The following TMEM123 variants were observed in gnomAD, a reference collection of about 807,000 sequenced individuals.
TMEM123 encodes the protein porimin.
TMEM123 carries 16 observed loss-of-function variants against 19.7 expected under a neutral mutation model. The observed-to-expected ratio is 0.81, with a 90% CI of 0.55 to 1.23. TMEM123 has a LOEUF of 1.23. TMEM123 is among the 50% of genes most tolerant of loss of function. TMEM123 has a pLI of 0.00. For synonymous variants in TMEM123, 118 were observed against 99.4 expected, an observed-to-expected ratio of 1.19 and a Z score of -1.12; for missense variants, 313 against 257.8, an observed-to-expected ratio of 1.21 and a Z score of -1.47.
In TMEM123 at chr11:102,436,514, C is replaced by T. The variant is rs530842414; in HGVS notation, c.157+12298G>A. ...TAATTCAAAGCCAAGAAGACTGGTG[C>T]ATGAATTACTTCACTAATAAGATTG... On this transcript the variant is annotated intron_variant, in intron 2 of 4. Coordinates refer to ENST00000398136, the MANE Select transcript of TMEM123 (RefSeq NM_052932.3). 6.1e-4 allele frequency among the ~76,000 whole-genome samples: 92 copies of T among 152,020 alleles called. 1 individual carries two copies. The highest frequency in any genetic ancestry group is 1.2e-3 in the Non-Finnish European group (79 of 67,892).
At chr11:102,424,714 G>A (rs560203985) in intron 2 of TMEM123, among the ~76,000 whole-genome samples, 1 of 152,106 alleles carries the variant, frequency 6.6e-6, no homozygotes, top group African/African-American at 2.4e-5. Flanking sequence ...CTCAGTAAGC[G>A]AGGGGAGTCA....
chr11:102,440,755 T>C (rs893059898), intron 2 of TMEM123, among the ~76,000 whole-genome samples: 13 of 152,102 alleles, frequency 8.5e-5, no homozygotes, highest in East Asian at 3.9e-4. Context: ...GACTGGCAAA[T>C]TGGATAAAGA....
intron 2 of TMEM123, among the ~76,000 whole-genome samples, chr11:102,442,077 A>G (rs1037989233): frequency 6.6e-6 from 1 of 152,244 alleles, no homozygotes; most frequent in South Asian, 2.1e-4. Context: ...CCAACCAAAA[A>G]AAGTCCAGGA....
intron 2 of TMEM123, among the ~76,000 whole-genome samples, chr11:102,418,759 C>G (rs1198165244): frequency 6.6e-6 from 1 of 152,132 alleles, no homozygotes; most frequent in African/African-American, 2.4e-5. Flanking sequence ...AACCTAGATA[C>G]CCAACAGTGG....
intron 2 of TMEM123, among the ~76,000 whole-genome samples, chr11:102,442,099 C>G (rs1354929131): frequency 6.6e-6 from 1 of 152,172 alleles, no homozygotes; most frequent in Non-Finnish European, 1.5e-5. Flanking sequence ...TAGACGGATT[C>G]ATAGCCGAAT....
chr11:102,408,861 C>T (rs1006346852), intron 2 of TMEM123, among the ~76,000 whole-genome samples: 6 of 152,118 alleles, frequency 3.9e-5, no homozygotes, highest in African/African-American at 1.4e-4. Context: ...CTGTTAATAC[C>T]AGACAGCCAC....
intron 2 of TMEM123, among the ~76,000 whole-genome samples, chr11:102,444,123 G>T (rs1032190671): frequency 1.3e-5 from 2 of 152,228 alleles, no homozygotes; most frequent in Non-Finnish European, 2.9e-5. Context: ...TTCAACCATT[G>T]TGGAAGACAG....
chr11:102,429,974 G>C (rs1333152094), intron 2 of TMEM123, among the ~76,000 whole-genome samples: 1 of 152,220 alleles, frequency 6.6e-6, no homozygotes, highest in Non-Finnish European at 1.5e-5. Context: ...AGGAAGACTG[G>C]TGGCAAGCAT....
At chr11:102,431,479 A>G (rs1352189919) in intron 2 of TMEM123, among the ~76,000 whole-genome samples, 1 of 152,242 alleles carries the variant, frequency 6.6e-6, no homozygotes, top group Non-Finnish European at 1.5e-5. Flanking sequence ...GTGCAATAGA[A>G]CTAGAAAAAA....
At chr11:102,428,447 G>A (rs1952147611) in intron 2 of TMEM123, among the ~76,000 whole-genome samples, 1 of 150,592 alleles carries the variant, frequency 6.6e-6, no homozygotes, top group African/African-American at 2.4e-5. Flanking sequence ...GATTACAGGT[G>A]CCTGCCACCA....
In TMEM123 at chr11:102,444,329, C is replaced by T. The variant is rs1000606808; in HGVS notation, c.157+4483G>A. ...CCATCAATGATAGAGTGGATTAAGA[C>T]AATGGCACAGACACATCATGGAATA... On this transcript the variant is annotated intron_variant, in intron 2 of 4. Coordinates refer to ENST00000398136, the MANE Select transcript of TMEM123 (RefSeq NM_052932.3). 4.6e-5 allele frequency among the ~76,000 whole-genome samples: 7 copies of T among 151,478 alleles called. No homozygotes were observed. The East Asian group carries it at 1.4e-3, about 30-fold the overall frequency.
Position 102,421,101 on chromosome 11 carries a change from TAAC to T in TMEM123, c.158-18898_158-18896del, listed in dbSNP as rs547056671. ...GATAAACAGACTTTAGGCAGAAAAA[TAAC>T]AACATAAACAAGCTCAGAATTACTC... On this transcript the variant is annotated intron_variant, in intron 2 of 4. Transcript: ENST00000398136. Among the ~76,000 whole-genome samples the T allele has an allele frequency of 2.9e-3, 448 of 151,966 alleles. 2 individuals carry two copies. The highest frequency in any genetic ancestry group is 5.2e-3 in the Admixed American group (80 of 15,246).
intron 2 of TMEM123, 111 bp downstream of exon 2, chr11:102,448,701 C>T (rs974364059): frequency 2.4e-5 from 24 of 992,734 alleles, no homozygotes; most frequent in African/African-American, 1.4e-4. Flanking sequence ...GGGTGAAGAA[C>T]TCAGGGTTAA....
chr11:102,415,283 G>A (rs1194708167), intron 2 of TMEM123, among the ~76,000 whole-genome samples: 1 of 152,180 alleles, frequency 6.6e-6, no homozygotes, highest in Non-Finnish European at 1.5e-5. Context: ...CACTGAAGCA[G>A]AAAACTAACA....
chr11:102,412,592 A>G lies in TMEM123; in HGVS notation c.158-10386T>C, dbSNP rs2135848251. Among the ~76,000 whole-genome samples the G allele has an allele frequency of 1.3e-5, 2 of 152,312 alleles. 1 individual carries two copies. The highest frequency in any genetic ancestry group is 4.1e-4 in the South Asian group (2 of 4,828). ...AAATTTTACAATACAACTACTGGCC[A>G]GAAAAAAAAGATAACAACTCTATTA... On this transcript the variant is annotated intron_variant, in intron 2 of 4. Transcript: ENST00000398136.
intron 2 of TMEM123, among the ~76,000 whole-genome samples, chr11:102,405,807 A>C (rs926384894): frequency 6.6e-6 from 1 of 152,332 alleles, no homozygotes; most frequent in African/African-American, 2.4e-5. Flanking sequence ...CAAATGTGCT[A>C]AAGAAACAAA....
chr11:102,431,759 A>T (rs1857712345), intron 2 of TMEM123, among the ~76,000 whole-genome samples: 1 of 152,184 alleles, frequency 6.6e-6, no homozygotes, highest in South Asian at 2.1e-4. Context: ...TCCCCACCCA[A>T]ATCTCATCTT....
chr11:102,433,794 C>T (rs549032962), intron 2 of TMEM123, among the ~76,000 whole-genome samples: 6 of 151,784 alleles, frequency 4.0e-5, no homozygotes, highest in South Asian at 4.2e-4. Flanking sequence ...ACGCTGTTCT[C>T]GTGACAGTTT....
intron 2 of TMEM123, among the ~76,000 whole-genome samples, chr11:102,438,538 G>GT (rs1237806846): frequency 2.6e-5 from 4 of 151,226 alleles, no homozygotes; most frequent in Non-Finnish European, 4.5e-5. Flanking sequence ...TGTTCACTGA[G>GT]TAAGTGAGCA....
Sources: gnomAD v4.1 joint callset for allele counts (sites outside exome capture counted in the v4.1 genomes callset) on GRCh38, gnomAD v4.1.1 for gene constraint, MANE v1.5 for transcripts, NCBI Gene and HGNC (gene_info 2026-07-23, HGNC 2026-07-21) for gene names.